The following DNAH12 variants were observed in gnomAD, a reference collection of about 807,000 sequenced individuals.
The protein encoded by DNAH12 is axonemal beta dynein heavy chain 12.
A neutral mutation model predicts 371.5 loss-of-function variants in DNAH12; 285 were observed. That is an observed-to-expected ratio of 0.77 (90% CI 0.70 to 0.85). DNAH12 has a LOEUF of 0.85. Ranked by LOEUF, DNAH12 falls within the 40% of genes least tolerant of loss-of-function variation. DNAH12 has a pLI of 0.00. For synonymous variants in DNAH12, 1,200 were observed against 1,213.0 expected (o/e 0.99, Z 0.22); for missense variants, 3,611 against 3,689.4 (o/e 0.98, Z 0.55).
rs1463815685 is a variant in DNAH12, at chr3:57,446,744, C to CA, written c.3787-56dup. On this transcript the variant is annotated intron_variant, in intron 25 of 73. Transcript: ENST00000495027. ...TCCATGCTTAAATTTAAAAAAACAA[C>CA]AGACACTTGTTTACCAAATGGATTT... The CA allele has an allele frequency of 2.9e-6, 4 of 1,378,526 alleles. No homozygotes were observed. In the East Asian group the frequency reaches 1.0e-4, roughly 36 times the overall value. The allele number at this position is 1,378,526 out of a possible 1,614,324, so 85.4% of individuals were successfully genotyped here.
intron 43 of DNAH12, among the ~76,000 whole-genome samples, chr3:57,401,796 T>C (rs548769330): frequency 6.6e-6 from 1 of 150,852 alleles, no homozygotes; most frequent in South Asian, 2.1e-4. Flanking sequence ...GAAATGAAAA[T>C]AGTAGCACAC....
At chr3:57,401,574 AAAAAAAAAG>A (rs2063866143) in intron 43 of DNAH12, among the ~76,000 whole-genome samples, 1 of 148,500 alleles carries the variant, frequency 6.7e-6, no homozygotes, top group Admixed American at 6.8e-5. Context: ...AAAAAAAAAA[AAAAAAAAAG>A]AAGAAGAAGA....
At chr3:57,473,738 T>G (rs1351845389) in intron 13 of DNAH12, among the ~76,000 whole-genome samples, 1 of 150,644 alleles carries the variant, frequency 6.6e-6, no homozygotes, top group Non-Finnish European at 1.5e-5. Flanking sequence ...AATTATGTAT[T>G]GAAAATAACA....
rs922662680 is a variant in DNAH12 at position 57,360,238 on chromosome 3, A to T, written c.9361-2890T>A. On this transcript the variant is annotated intron_variant, in intron 58 of 73. Coordinates refer to ENST00000495027, the MANE Select transcript of DNAH12 (RefSeq NM_001366028.2). ...GTCCCAGACTGGGGGCTGCCACAGA[A>T]TATTACTCTAAGACCCTACTCCTTT... Among the ~76,000 whole-genome samples the T allele has an allele frequency of 1.1e-4, 16 of 152,244 alleles. No individual in the cohort carries two copies. In the South Asian group the frequency reaches 3.3e-3, roughly 32 times the overall value.
chr3:57,361,279 G>A (rs1348720876), intron 58 of DNAH12, among the ~76,000 whole-genome samples: 2 of 151,578 alleles, frequency 1.3e-5, no homozygotes, highest in African/African-American at 4.9e-5. Context: ...GAACCCGGAG[G>A]TGGATGTTGG....
chr3:57,415,821 C>A (rs4321502), intron 37 of DNAH12, among the ~76,000 whole-genome samples: 2 of 140,800 alleles, frequency 1.4e-5, no homozygotes, highest in South Asian at 2.2e-4. Flanking sequence ...CAGAGTCTCA[C>A]TTAGTTCCCC....
intron 43 of DNAH12, among the ~76,000 whole-genome samples, chr3:57,400,775 G>T (rs1486288024): frequency 6.6e-6 from 1 of 152,118 alleles, no homozygotes; most frequent in Non-Finnish European, 1.5e-5. Context: ...AATAGTAAGA[G>T]ACTTGAATAC....
chr3:57,302,560 TATA>T (rs1559535447), intron 69 of DNAH12, among the ~76,000 whole-genome samples: 9 of 95,566 alleles, frequency 9.4e-5, no homozygotes, highest in Non-Finnish European at 1.6e-4. Context: ...TATATATATA[TATA>T]TGTATTTTTT....
chr3:57,520,787 AAG>A (rs2068399088), intron 4 of DNAH12, among the ~76,000 whole-genome samples: 1 of 151,956 alleles, frequency 6.6e-6, no homozygotes, highest in African/African-American at 2.4e-5. Context: ...GCTGAGTTTA[AAG>A]AGTTATTTAT....
intron 17 of DNAH12, 137 bp from the exon 18 acceptor site, chr3:57,463,012 C>A: frequency 5.2e-6 from 3 of 578,234 alleles, no homozygotes; most frequent in Non-Finnish European, 5.8e-6. Flanking sequence ...ACAATCAAAA[C>A]CTCAATTAGA....
intron 60 of DNAH12, among the ~76,000 whole-genome samples, chr3:57,351,323 G>T (rs954945119): frequency 6.6e-6 from 1 of 152,100 alleles, no homozygotes; most frequent in Non-Finnish European, 1.5e-5. Context: ...CGTTGGTGGG[G>T]ATCTGGTGCA....
intron 17 of DNAH12, 92 bp from the exon 18 acceptor site, chr3:57,462,967 C>T: frequency 1.3e-6 from 1 of 786,444 alleles, no homozygotes; most frequent in South Asian, 2.2e-5. Flanking sequence ...ATAAGGGTTA[C>T]ATTTCTTCAA....
At chr3:57,438,080 G>A (rs748540079) in intron 29 of DNAH12, among the ~76,000 whole-genome samples, 7 of 152,108 alleles carry the variant, frequency 4.6e-5, no homozygotes, top group African/African-American at 4.8e-5. Context: ...AGGCCAAGGC[G>A]GGTGGATCAC....
intron 40 of DNAH12, 38 bp downstream of exon 40, chr3:57,408,242 T>C (rs781852826): frequency 1.6e-5 from 23 of 1,472,248 alleles, no homozygotes; most frequent in Admixed American, 1.1e-4. Context: ...GAGGGAAATA[T>C]GTAATACTAA....
At chr3:57,413,658 A>G in intron 39 of DNAH12, 88 bp downstream of exon 39, 3 of 1,361,876 alleles carry the variant, frequency 2.2e-6, no homozygotes, top group Non-Finnish European at 3.0e-6. Context: ...TTCCCTAAAT[A>G]TCTTGAAAAA....
chr3:57,543,102 G>A (rs1019082184), intron 1 of DNAH12, among the ~76,000 whole-genome samples, 199 bp from the exon 2 acceptor site: 1 of 152,088 alleles, frequency 6.6e-6, no homozygotes, highest in Non-Finnish European at 1.5e-5. Context: ...CACTTATGAA[G>A]CAATGAGCCA....
intron 13 of DNAH12, among the ~76,000 whole-genome samples, chr3:57,476,252 A>C (rs1300235879): frequency 6.6e-6 from 1 of 152,190 alleles, no homozygotes; most frequent in East Asian, 1.9e-4. Flanking sequence ...ATAAAAAAAA[A>C]CAAGGAAGTA....
At chr3:57,442,561 A>AT (rs2153369348) in intron 29 of DNAH12, among the ~76,000 whole-genome samples, 1 of 152,316 alleles carries the variant, frequency 6.6e-6, no homozygotes, top group East Asian at 1.9e-4. Context: ...AGTGATAAAC[A>AT]TTTTTTGAAA....
rs1004396321 is a variant in DNAH12, at chr3:57,420,866, G to A, written c.5562+652C>T. On this transcript the variant is annotated intron_variant, in intron 36 of 73. Coordinates refer to ENST00000495027, the MANE Select transcript of DNAH12 (RefSeq NM_001366028.2). Reference sequence around the variant, plus strand: ...GGAGCTTGCAGTGAGCCGAGATTGCGCCACCGCACTCCAGCCTGGACAATA... The same window carrying A: ...GGAGCTTGCAGTGAGCCGAGATTGCACCACCGCACTCCAGCCTGGACAATA... 3.8e-5 allele frequency among the ~76,000 whole-genome samples: 5 copies of A among 132,358 alleles called. 1 individual carries two copies. Among genetic ancestry groups the A allele is most frequent in the South Asian group, 4.6e-4 (2 of 4,390 alleles). 86.8% of individuals were successfully genotyped at this position (132,358 alleles called of 152,430 possible). A position where few individuals can be genotyped will look rare whatever the true frequency, so the allele number is the denominator to read the frequency against.
Sources: allele counts gnomAD v4.1 joint callset (sites outside exome capture counted in the v4.1 genomes callset), GRCh38; gene constraint gnomAD v4.1.1; transcripts MANE v1.5; gene names NCBI Gene and HGNC (gene_info 2026-07-23, HGNC 2026-07-21).